TLE4: variants seen among roughly 807,000 people sequenced by gnomAD.
TLE4 encodes the protein TLE family member 4, transcriptional corepressor.
A neutral mutation model predicts 92.8 loss-of-function variants in TLE4; 8 were observed. That is an observed-to-expected ratio of 0.09 (90% confidence interval 0.05 to 0.16). TLE4 has a LOEUF of 0.16. Among genes scored for constraint, TLE4 ranks in the 10% least tolerant of loss-of-function variants. The pLI is 1.00. For missense variants in TLE4, 675 were observed against 997.6 expected, an observed-to-expected ratio of 0.68 and a Z score of 4.36; for synonymous variants, 371 against 374.1, an observed-to-expected ratio of 0.99 and a Z score of 0.10.
At chr9:79,672,992 A>C (rs1239366763) in intron 8 of TLE4, among the ~76,000 whole-genome samples, 1 of 152,182 alleles carries the variant, frequency 6.6e-6, no homozygotes, top group African/African-American at 2.4e-5. Context: ...TTAAAATGTA[A>C]TTCCAATCAA....
intron 14 of TLE4, among the ~76,000 whole-genome samples, chr9:79,715,629 C>G (rs1476150482): frequency 1.3e-5 from 2 of 152,126 alleles, no homozygotes; most frequent in Non-Finnish European, 2.9e-5. Context: ...CATTGGACTA[C>G]CCCCTCTTCC....
intron 5 of TLE4, among the ~76,000 whole-genome samples, chr9:79,616,363 G>A (rs1317784865): frequency 2.6e-5 from 4 of 152,164 alleles, no homozygotes; most frequent in African/African-American, 9.7e-5. Context: ...TCCAATGTCT[G>A]TGAAGATTAC....
intron 5 of TLE4, among the ~76,000 whole-genome samples, chr9:79,622,884 A>T (rs749501683): frequency 6.6e-6 from 1 of 152,192 alleles, no homozygotes; most frequent in Non-Finnish European, 1.5e-5. Flanking sequence ...TCACGTGAGA[A>T]GCAGGGCCAT....
chr9:79,583,065 T>C (rs1329757070), intron 4 of TLE4, among the ~76,000 whole-genome samples: 1 of 152,156 alleles, frequency 6.6e-6, no homozygotes, highest in Non-Finnish European at 1.5e-5. Context: ...TGTCTTTGCC[T>C]TAGTAATAGC....
intron 4 of TLE4, among the ~76,000 whole-genome samples, chr9:79,611,189 G>T (rs1410879787): frequency 6.6e-6 from 1 of 152,032 alleles, no homozygotes; most frequent in African/African-American, 2.4e-5. Flanking sequence ...GAGTGGTTTG[G>T]TGATTCCCAT....
At chr9:79,722,776 C>T (rs2075843126) in intron 18 of TLE4, among the ~76,000 whole-genome samples, 175 bp downstream of exon 18, 1 of 152,128 alleles carries the variant, frequency 6.6e-6, no homozygotes, top group Non-Finnish European at 1.5e-5. Flanking sequence ...GGCATTAATC[C>T]ACTTTAACCT....
intron 6 of TLE4, among the ~76,000 whole-genome samples, chr9:79,634,905 T>C (rs375893692): frequency 3.1e-4 from 47 of 152,314 alleles, no homozygotes; most frequent in African/African-American, 1.1e-3. Flanking sequence ...GGACAGTTGG[T>C]TGAATAAAGC....
At chr9:79,671,336 C>A (rs1446489652) in intron 8 of TLE4, 1 of 449,894 alleles carries the variant, frequency 2.2e-6, no homozygotes, top group African/African-American at 2.0e-5. Context: ...TGTGCTTCTA[C>A]TGGTAGGAAA....
chr9:79,679,209 A>T (rs1414752168), intron 8 of TLE4, among the ~76,000 whole-genome samples: 2 of 152,198 alleles, frequency 1.3e-5, no homozygotes, highest in East Asian at 3.9e-4. Flanking sequence ...TGACTTCCAC[A>T]ATGGTTGAAC....
intron 8 of TLE4, among the ~76,000 whole-genome samples, chr9:79,703,551 CAGAT>C (rs2070575036): frequency 6.6e-6 from 1 of 152,174 alleles, no homozygotes; most frequent in African/African-American, 2.4e-5. Context: ...ACCTTCATGG[CAGAT>C]AGAGTCATTC....
chr9:79,605,646 ATAG>A (rs2046648104), intron 4 of TLE4, among the ~76,000 whole-genome samples: 1 of 152,086 alleles, frequency 6.6e-6, no homozygotes, highest in Non-Finnish European at 1.5e-5. Flanking sequence ...ATAGACTGGA[ATAG>A]TACCATGAAA....
chr9:79,716,557 A>C (rs565032597), intron 14 of TLE4, among the ~76,000 whole-genome samples: 218 of 152,328 alleles, frequency 1.4e-3, no homozygotes, highest in African/African-American at 4.9e-3. Flanking sequence ...CCAGCACCTG[A>C]TGGTAACTGG....
At chr9:79,655,245 G>GA (rs2059616340) in intron 8 of TLE4, among the ~76,000 whole-genome samples, 1 of 152,174 alleles carries the variant, frequency 6.6e-6, no homozygotes. Flanking sequence ...AGAAGGAAAG[G>GA]ACAGTTCTCA....
intron 6 of TLE4, chr9:79,649,753 G>GA (rs2058647022): frequency 7.7e-7 from 1 of 1,298,198 alleles, no homozygotes; most frequent in African/African-American, 1.5e-5. Context: ...GTATAACTAT[G>GA]ATTTCTGCCT....
Position 79,597,623 on chromosome 9 carries a change from C to T in TLE4, c.253-15033C>T, listed in dbSNP as rs2044352799. 1.3e-5 allele frequency among the ~76,000 whole-genome samples: 2 copies of T among 152,110 alleles called. 1 individual carries two copies. Among genetic ancestry groups the T allele is most frequent in the Admixed American group, 1.3e-4 (2 of 15,266 alleles). On this transcript the variant is annotated intron_variant, in intron 4 of 19. Transcript: ENST00000376552. Reference sequence around the variant, plus strand: ...GTGATTCCTATCTGAGGAAATGCCACCACCATCCACCCAATTTCTCAAGCC... The same window carrying T: ...GTGATTCCTATCTGAGGAAATGCCATCACCATCCACCCAATTTCTCAAGCC...
At chr9:79,698,217 C>G (rs1279227298) in intron 8 of TLE4, among the ~76,000 whole-genome samples, 2 of 152,150 alleles carry the variant, frequency 1.3e-5, no homozygotes, top group Non-Finnish European at 2.9e-5. Context: ...GTCTTGAACC[C>G]AAGGCTGTCT....
rs566271438 is a variant in TLE4, at chr9:79,707,293, A to G, written c.936+394A>G. ...AATTACCAAGCTACATATGACGGCA[A>G]TAATTTTCCCTTCCTATCTAAAAAG... On this transcript the variant is annotated intron_variant, in intron 11 of 19. Transcript: ENST00000376552. The G allele has an allele frequency of 1.6e-5, 20 of 1,215,136 alleles. No homozygotes were observed. In the Admixed American group the frequency reaches 2.6e-4, roughly 16 times the overall value. 75.3% of individuals were successfully genotyped at this position (1,215,136 alleles called of 1,614,324 possible).
Position 79,585,030 on chromosome 9 carries a change from T to A in TLE4, c.252+8853T>A, listed in dbSNP as rs562990446. Among the ~76,000 whole-genome samples the A allele has an allele frequency of 5.9e-5, 9 of 152,314 alleles. No homozygotes were observed. The South Asian group carries it at 1.7e-3, about 28-fold the overall frequency. ...AATGTGGAGCAATATCGATCTTGACTATATTGTGTGTTTAGCTAACTTCCC... is the reference window on the plus strand; with the variant it reads ...AATGTGGAGCAATATCGATCTTGACAATATTGTGTGTTTAGCTAACTTCCC... On this transcript the variant is annotated intron_variant, in intron 4 of 19. Coordinates refer to ENST00000376552, the MANE Select transcript of TLE4 (RefSeq NM_007005.6).
chr9:79,657,823 C>T (rs1225255058), intron 8 of TLE4, among the ~76,000 whole-genome samples: 1 of 152,184 alleles, frequency 6.6e-6, no homozygotes, highest in East Asian at 1.9e-4. Flanking sequence ...GCAAAATTCA[C>T]TATCACCAAA....
Sources: allele counts gnomAD v4.1 joint callset (sites outside exome capture counted in the v4.1 genomes callset), GRCh38; gene constraint gnomAD v4.1.1; transcripts MANE v1.5; gene names NCBI Gene and HGNC (gene_info 2026-07-23, HGNC 2026-07-21).